CTNNA2: variants seen among roughly 807,000 people sequenced by gnomAD.
The protein encoded by CTNNA2 is catenin alpha 2.
A neutral mutation model predicts 101.0 loss-of-function variants in CTNNA2; 42 were observed. That is an observed-to-expected ratio of 0.42 (90% CI 0.32 to 0.54). The LOEUF (loss-of-function observed/expected upper bound fraction) is 0.54. CTNNA2 is among the 20% of genes least tolerant of loss of function. The pLI is 0.14. For missense variants in CTNNA2, 871 were observed against 1,223.1 expected (o/e 0.71, Z 4.29); for synonymous variants, 450 against 456.4 (o/e 0.99, Z 0.18).
At chr2:79,584,692 A>G (rs1210821763) in intron 1 of CTNNA2, among the ~76,000 whole-genome samples, 1 of 151,818 alleles carries the variant, frequency 6.6e-6, no homozygotes, top group Non-Finnish European at 1.5e-5. Context: ...GCTAATTTTT[A>G]TATTTTTAGT....
At chr2:80,455,312 C>T (rs1683871700) in intron 9 of CTNNA2, among the ~76,000 whole-genome samples, 1 of 152,200 alleles carries the variant, frequency 6.6e-6, no homozygotes, top group Admixed American at 6.5e-5. Context: ...TAAAGAGAAA[C>T]TGTTACCCAG....
chr2:79,549,436 C>T (rs920857413), intron 1 of CTNNA2, among the ~76,000 whole-genome samples: 6 of 152,154 alleles, frequency 3.9e-5, no homozygotes, highest in African/African-American at 1.4e-4. Context: ...TTTTGCAGAA[C>T]ATCCAGGATG....
rs57561004 is a variant in CTNNA2, at chr2:80,487,280, C to CAA, written c.1291-57684_1291-57683dup. On this transcript the variant is annotated intron_variant, in intron 9 of 18. Coordinates refer to ENST00000402739, the MANE Select transcript of CTNNA2 (RefSeq NM_001282597.3). ...TGGGCGACAGAGCAATACTCTGTCT[C>CAA]AAAAAAAAAAAAAAAAAAAGTGCAC... is the stretch of plus-strand genomic sequence containing the variant. Among the ~76,000 whole-genome samples the CAA allele has an allele frequency of 7.6e-4, 52 of 68,482 alleles. No individual in the cohort carries two copies. The East Asian group carries it at 0.021, about 28-fold the overall frequency. The allele number at this position is 68,482 out of a possible 152,430, so 44.9% of individuals were successfully genotyped here.
At chr2:79,804,358 A>G (rs1275450971) in intron 3 of CTNNA2, among the ~76,000 whole-genome samples, 1 of 152,182 alleles carries the variant, frequency 6.6e-6, no homozygotes, top group African/African-American at 2.4e-5. Context: ...TTCTCTTTTA[A>G]CCAAAATCAC....
At chr2:80,315,490 GACTCA>G (rs754093085) in intron 7 of CTNNA2, among the ~76,000 whole-genome samples, 1 of 152,118 alleles carries the variant, frequency 6.6e-6, no homozygotes, top group Non-Finnish European at 1.5e-5. Context: ...TGTTGGCTGG[GACTCA>G]ACTAACTTTA....
chr2:80,332,388 G>T (rs1000697027), intron 7 of CTNNA2, among the ~76,000 whole-genome samples: 1 of 151,940 alleles, frequency 6.6e-6, no homozygotes, highest in Non-Finnish European at 1.5e-5. Flanking sequence ...TCAGGTGTAG[G>T]TCATGCTGTG....
At chr2:79,816,616 A>G (rs114021170) in intron 3 of CTNNA2, among the ~76,000 whole-genome samples, 3,863 of 152,290 alleles carry the variant, frequency 0.025, 155 homozygotes, top group African/African-American at 0.085. Flanking sequence ...AGGCCATGGA[A>G]GAAAAGCACT....
chr2:79,394,530 A>G (rs536468471), intron 4 of CTNNA2, among the ~76,000 whole-genome samples: 16 of 152,354 alleles, frequency 1.1e-4, no homozygotes, highest in African/African-American at 3.6e-4. Flanking sequence ...GTGTCTGAGG[A>G]CATTGGTTTT....
At chr2:79,566,284 C>G (rs1435608355) in intron 1 of CTNNA2, among the ~76,000 whole-genome samples, 2 of 152,116 alleles carry the variant, frequency 1.3e-5, no homozygotes, top group Non-Finnish European at 2.9e-5. Context: ...GCCTTCTGAC[C>G]TTTTCCAACT....
intron 7 of CTNNA2, among the ~76,000 whole-genome samples, chr2:80,316,816 G>A (rs969243887): frequency 2.0e-5 from 3 of 152,100 alleles, no homozygotes; most frequent in African/African-American, 7.2e-5. Context: ...CTTCACATAT[G>A]CAGGCATATT....
intron 2 of CTNNA2, among the ~76,000 whole-genome samples, chr2:79,655,634 G>A (rs988763724): frequency 6.6e-6 from 1 of 152,056 alleles, no homozygotes; most frequent in Non-Finnish European, 1.5e-5. Context: ...TTCGAGATTA[G>A]CCTGGCGAAC....
At chr2:79,905,708 G>A (rs908630922) in intron 6 of CTNNA2, among the ~76,000 whole-genome samples, 2 of 152,186 alleles carry the variant, frequency 1.3e-5, no homozygotes, top group African/African-American at 2.4e-5. Context: ...GACAGGCAGA[G>A]CTGGTATGGA....
intron 2 of CTNNA2, among the ~76,000 whole-genome samples, chr2:79,247,041 A>C (rs574035224): frequency 6.6e-6 from 1 of 152,316 alleles, no homozygotes; most frequent in East Asian, 1.9e-4. Context: ...CTGTTGCAGA[A>C]ACCGGCAGGC....
intron 4 of CTNNA2, among the ~76,000 whole-genome samples, chr2:79,418,214 T>C (rs1678504040): frequency 6.6e-6 from 1 of 152,116 alleles, no homozygotes; most frequent in South Asian, 2.1e-4. Flanking sequence ...GGTGATGTTA[T>C]CTGCAGGAAT....
rs189036678 is a variant in CTNNA2, at chr2:79,207,550, A to C, written c.-406+9474A>C. Among the ~76,000 whole-genome samples, 95 of 152,312 alleles carry C rather than the reference A, an allele frequency of 6.2e-4. 1 individual carries two copies. The highest frequency in any genetic ancestry group is 4.1e-3 in the South Asian group (20 of 4,824). ...ACTTAGGTTATCACTCCAACACATAAAAATCACAGATTTCTAGAATCGAAT... is the reference window on the plus strand; with the variant it reads ...ACTTAGGTTATCACTCCAACACATACAAATCACAGATTTCTAGAATCGAAT... On this transcript the variant is annotated intron_variant, in intron 2 of 21. Coordinates refer to the CTNNA2 transcript ENST00000466387.
chr2:80,170,835 G>A, intron 7 of CTNNA2, among the ~76,000 whole-genome samples: 1 of 152,130 alleles, frequency 6.6e-6, no homozygotes, highest in Non-Finnish European at 1.5e-5. Flanking sequence ...GTGTTATGCT[G>A]GGGTTGCTTT....
chr2:80,574,411 GT>G (rs1694867050), intron 13 of CTNNA2, 97 bp downstream of exon 13: 1 of 1,370,768 alleles, frequency 7.3e-7, no homozygotes, highest in African/African-American at 1.4e-5. Flanking sequence ...TAATTACTGA[GT>G]TTAACTTGGT....
At chr2:79,755,669 T>G (rs1414733725) in intron 3 of CTNNA2, among the ~76,000 whole-genome samples, 1 of 152,130 alleles carries the variant, frequency 6.6e-6, no homozygotes, top group Non-Finnish European at 1.5e-5. Flanking sequence ...ACCCTGTAAA[T>G]TTTATTACTA....
chr2:79,200,887 A>G (rs1674025176), intron 2 of CTNNA2, among the ~76,000 whole-genome samples: 1 of 152,180 alleles, frequency 6.6e-6, no homozygotes, highest in South Asian at 2.1e-4. Context: ...CGGAAGTAAT[A>G]AGTATCAAAT....
Sources: allele counts gnomAD v4.1 joint callset (sites outside exome capture counted in the v4.1 genomes callset), GRCh38; gene constraint gnomAD v4.1.1; transcripts MANE v1.5; gene names NCBI Gene and HGNC (gene_info 2026-07-23, HGNC 2026-07-21).